C12orf42: variants seen among roughly 807,000 people sequenced by gnomAD.
C12orf42 encodes the protein chromosome 12 open reading frame 42.
Under a neutral mutation model 21.6 loss-of-function variants are expected in C12orf42, and 25 were observed. The observed-to-expected ratio is 1.16, with a 90% CI of 0.84 to 1.62. The LOEUF (loss-of-function observed/expected upper bound fraction) is 1.62, where lower values mean the gene tolerates loss of function less well. C12orf42 is among the 40% of genes most tolerant of loss of function. The pLI is 0.00. For synonymous variants in C12orf42, 174 were observed against 175.0 expected (o/e 0.99, Z 0.05); for missense variants, 483 against 459.3 (o/e 1.05, Z -0.47).
the C12orf42 span, among the ~76,000 whole-genome samples, chr12:103,074,755 T>C: frequency 7.2e-5 from 11 of 152,272 alleles, no homozygotes; most frequent in East Asian, 2.1e-3. Flanking sequence ...GGTTGCTTTA[T>C]GGCAAGTAGT....
At chr12:103,240,728 A>G (rs1213175426) in intron 10 of C12orf42, among the ~76,000 whole-genome samples, 1 of 152,178 alleles carries the variant, frequency 6.6e-6, no homozygotes, top group East Asian at 1.9e-4. Flanking sequence ...CCTGCATGAT[A>G]CGCAGAATTG....
At chr12:103,100,158 G>A in the C12orf42 span, among the ~76,000 whole-genome samples, 2 of 152,332 alleles carry the variant, frequency 1.3e-5, no homozygotes, top group South Asian at 4.1e-4. Flanking sequence ...GGGGGCAGAG[G>A]CCCAGTGTGT....
chr12:103,382,848 A>T (rs115807839), intron 3 of C12orf42, among the ~76,000 whole-genome samples: 64 of 151,984 alleles, frequency 4.2e-4, no homozygotes, highest in African/African-American at 1.4e-3. Flanking sequence ...CTTTTTCCTC[A>T]GTCACTTCAG....
At chr12:103,382,825 C>G (rs1234022826) in intron 3 of C12orf42, among the ~76,000 whole-genome samples, 1 of 152,146 alleles carries the variant, frequency 6.6e-6, no homozygotes, top group African/African-American at 2.4e-5. Context: ...TCCTACCTTT[C>G]CTATATGTTT....
the C12orf42 span, among the ~76,000 whole-genome samples, chr12:103,535,623 C>A: frequency 2.0e-5 from 3 of 151,724 alleles, no homozygotes; most frequent in Non-Finnish European, 4.4e-5. Flanking sequence ...TCAAAAAAAT[C>A]AAAATAGCTA....
the C12orf42 span, chr12:103,559,241 C>T: frequency 1.3e-5 from 2 of 152,150 alleles, no homozygotes; most frequent in South Asian, 2.1e-4. Flanking sequence ...GCAACTGGCC[C>T]CCAATTAAAA....
intron 4 of C12orf42, among the ~76,000 whole-genome samples, chr12:103,359,321 A>T (rs1342586138): frequency 6.6e-6 from 1 of 152,078 alleles, no homozygotes; most frequent in Non-Finnish European, 1.5e-5. Flanking sequence ...TTCATCAAAC[A>T]CACAGATTTG....
chr12:103,547,031 C>T, the C12orf42 span, among the ~76,000 whole-genome samples: 1 of 152,206 alleles, frequency 6.6e-6, no homozygotes, highest in Non-Finnish European at 1.5e-5. Context: ...TTAACCACTT[C>T]TTTGGGTCTT....
the C12orf42 span, among the ~76,000 whole-genome samples, chr12:103,226,541 A>T: frequency 6.6e-6 from 1 of 152,354 alleles, no homozygotes; most frequent in South Asian, 2.1e-4. Flanking sequence ...AAAAAGGAGC[A>T]TTAACCTTGA....
chr12:103,531,204 G>C, the C12orf42 span, among the ~76,000 whole-genome samples: 1 of 152,294 alleles, frequency 6.6e-6, no homozygotes, highest in Admixed American at 6.5e-5. Flanking sequence ...CCCCACAAGA[G>C]AGTTTCTTGA....
the C12orf42 span, among the ~76,000 whole-genome samples, chr12:103,132,842 G>A: frequency 3.7e-3 from 564 of 152,212 alleles, 1 homozygote; most frequent in African/African-American, 0.012. Flanking sequence ...CACATTCCCC[G>A]AAACGTCTGG....
intron 2 of C12orf42, among the ~76,000 whole-genome samples, chr12:103,434,541 C>T (rs150136774): frequency 0.013 from 1,956 of 152,092 alleles, 20 homozygotes; most frequent in Middle Eastern, 0.041. Flanking sequence ...TCAGTGGGTG[C>T]GCGTACCATG....
Position 103,366,676 on chromosome 12 carries a change from A to T in C12orf42, c.259+2211T>A, listed in dbSNP as rs556300458. The stretch of plus-strand genomic sequence containing the variant: ...GACATGAATAGACAATTCTCAAAAG[A>T]TATACAAATGGCCAACAAACATATG... On this transcript the variant is annotated intron_variant, in intron 4 of 5. Transcript: ENST00000548883. Among the ~76,000 whole-genome samples the T allele has an allele frequency of 2.6e-5, 4 of 152,174 alleles. No individual in the cohort carries two copies. The South Asian group carries it at 8.3e-4, about 32-fold the overall frequency.
the C12orf42 span, among the ~76,000 whole-genome samples, chr12:103,223,087 A>G: frequency 9.3e-4 from 142 of 152,184 alleles, no homozygotes; most frequent in Non-Finnish European, 1.7e-3. Flanking sequence ...ACTCTTCCTC[A>G]ACAACATATG....
At chr12:103,550,174 T>C in the C12orf42 span, among the ~76,000 whole-genome samples, 8 of 152,146 alleles carry the variant, frequency 5.3e-5, no homozygotes, top group African/African-American at 1.9e-4. Flanking sequence ...ACAATATTAA[T>C]ATTTTAACGA....
chr12:103,333,907 C>T (rs1381593875), intron 4 of C12orf42, among the ~76,000 whole-genome samples: 3 of 152,200 alleles, frequency 2.0e-5, no homozygotes, highest in Non-Finnish European at 2.9e-5. Context: ...ATATTTACTA[C>T]AAGAACCAGA....
the C12orf42 span, among the ~76,000 whole-genome samples, chr12:103,068,932 C>CAT: frequency 1.1e-3 from 55 of 48,202 alleles, 7 homozygotes; most frequent in Non-Finnish European, 1.7e-3. Flanking sequence ...TCTCTCTCTC[C>CAT]ACATATATAT....
At chr12:103,420,533 C>T (rs2049793350) in intron 2 of C12orf42, among the ~76,000 whole-genome samples, 2 of 152,098 alleles carry the variant, frequency 1.3e-5, no homozygotes, top group African/African-American at 4.8e-5. Context: ...GGCAGTGGTT[C>T]TCAAACTTTG....
chr12:103,177,415 T>C, the C12orf42 span, among the ~76,000 whole-genome samples: 2 of 152,196 alleles, frequency 1.3e-5, no homozygotes, highest in Admixed American at 1.3e-4. Context: ...AACTATTCCC[T>C]AGCCACTGCA....
Sources: gnomAD v4.1 joint callset for allele counts (sites outside exome capture counted in the v4.1 genomes callset) on GRCh38, gnomAD v4.1.1 for gene constraint, MANE v1.5 for transcripts, NCBI Gene and HGNC (gene_info 2026-07-23, HGNC 2026-07-21) for gene names.